Variants in NDFIP2 observed in about 807,000 individuals in gnomAD.
NDFIP2 encodes the protein Nedd4 family interacting protein 2.
In NDFIP2, 19 loss-of-function variants were observed where a neutral mutation model predicts 36.0. The observed-to-expected ratio is 0.53, with a 90% CI of 0.37 to 0.77. NDFIP2 has a LOEUF of 0.77. Ranked by LOEUF, NDFIP2 falls within the 30% of genes least tolerant of loss-of-function variation. NDFIP2 has a pLI of 0.00. For missense variants in NDFIP2, 446 were observed against 435.8 expected (o/e 1.02, Z -0.21); for synonymous variants, 181 against 167.7 (o/e 1.08, Z -0.61).
chr13:79,533,903 G>A (rs1056445534), intron 3 of NDFIP2, among the ~76,000 whole-genome samples: 1 of 152,126 alleles, frequency 6.6e-6, no homozygotes, highest in Non-Finnish European at 1.5e-5. Context: ...TATTGTTGAA[G>A]GGTTACTGTA....
chr13:79,501,620 T>C (rs1026698619), intron 1 of NDFIP2, among the ~76,000 whole-genome samples: 1 of 152,134 alleles, frequency 6.6e-6, no homozygotes, highest in Non-Finnish European at 1.5e-5. Context: ...ATTATGTGTT[T>C]AGATTTAGCG....
At chr13:79,512,731 T>G (rs1367037576) in intron 1 of NDFIP2, among the ~76,000 whole-genome samples, 3 of 152,172 alleles carry the variant, frequency 2.0e-5, no homozygotes, top group Non-Finnish European at 2.9e-5. Flanking sequence ...GAGGATTCTT[T>G]GGTTGTGGGG....
intron 3 of NDFIP2, among the ~76,000 whole-genome samples, chr13:79,535,810 A>G (rs1261544806): frequency 2.0e-5 from 3 of 152,220 alleles, no homozygotes; most frequent in Non-Finnish European, 4.4e-5. Context: ...GAGGTACTGT[A>G]CATGGTAATT....
At chr13:79,538,485 G>A (rs578151955) in intron 3 of NDFIP2, among the ~76,000 whole-genome samples, 75 of 152,280 alleles carry the variant, frequency 4.9e-4, no homozygotes, top group Non-Finnish European at 8.2e-4. Flanking sequence ...TAGGCATTGG[G>A]TAAATATGCT....
intron 1 of NDFIP2, among the ~76,000 whole-genome samples, chr13:79,516,331 G>C (rs926854260): frequency 2.0e-5 from 3 of 152,130 alleles, no homozygotes; most frequent in Admixed American, 1.3e-4. Context: ...ACTGCTCACT[G>C]CAGCCTCCAC....
chr13:79,532,064 C>A (rs1875038583), intron 2 of NDFIP2, among the ~76,000 whole-genome samples: 1 of 152,202 alleles, frequency 6.6e-6, no homozygotes, highest in Non-Finnish European at 1.5e-5. Context: ...TCTATGGGCA[C>A]AGTTTGTGGT....
At chr13:79,510,446 A>G (rs1033294918) in intron 1 of NDFIP2, among the ~76,000 whole-genome samples, 1 of 149,770 alleles carries the variant, frequency 6.7e-6, no homozygotes, top group Non-Finnish European at 1.5e-5. Flanking sequence ...CTACTTCCCC[A>G]TTGCCTTCCG....
chr13:79,481,452 CCT>C lies in NDFIP2; in HGVS notation c.255_256del (p.Arg86GlufsTer24). On this transcript the variant is annotated frameshift_variant, in exon 1 of 8. Transcript: ENST00000218652. LOFTEE classifies it high-confidence loss of function. ...TGGGAGCTGAGCACGGAGAAGACTC[CCT>C]CTCTCGGAAGCCGGATCCCGAGCCG... is the stretch of plus-strand genomic sequence containing the variant. ...AVGAEHGEDS[L>X]SRKPDPEPGR... is the part of the protein sequence containing the mutation. 6.4e-7 allele frequency: 1 copy of C among 1,562,720 alleles called. No homozygotes were observed. The highest frequency in any genetic ancestry group is 8.7e-7 in the Non-Finnish European group (1 of 1,153,166).
At chr13:79,536,521 T>G (rs577642628) in intron 3 of NDFIP2, among the ~76,000 whole-genome samples, 1 of 152,300 alleles carries the variant, frequency 6.6e-6, no homozygotes, top group Admixed American at 6.5e-5. Context: ...CTTTACCAAT[T>G]TCAGGATTCA....
At chr13:79,523,839 A>G (rs1594852506) in intron 2 of NDFIP2, among the ~76,000 whole-genome samples, 1 of 152,226 alleles carries the variant, frequency 6.6e-6, no homozygotes, top group Non-Finnish European at 1.5e-5. Context: ...CCTGGACTGC[A>G]AAACCATCAC....
At chr13:79,490,641 G>A (rs1350547659) in intron 1 of NDFIP2, among the ~76,000 whole-genome samples, 1 of 152,076 alleles carries the variant, frequency 6.6e-6, no homozygotes, top group Non-Finnish European at 1.5e-5. Context: ...CAAAAACAGT[G>A]TGCTGGATTT....
intron 1 of NDFIP2, among the ~76,000 whole-genome samples, chr13:79,520,386 T>A (rs757368816): frequency 2.0e-5 from 3 of 152,218 alleles, no homozygotes; most frequent in Non-Finnish European, 4.4e-5. Context: ...CCTTCTACAG[T>A]CTCTCCGATT....
intron 2 of NDFIP2, among the ~76,000 whole-genome samples, chr13:79,526,968 G>A (rs541125754): frequency 9.9e-5 from 15 of 152,210 alleles, no homozygotes; most frequent in African/African-American, 3.1e-4. Context: ...GACAGAATTC[G>A]AACTCAGATG....
chr13:79,481,492 C>A lies in NDFIP2; in HGVS notation c.289C>A (p.His97Asn), dbSNP rs2079812762. ...KPDPEPGRMD[H>N]HQPGTGRYQV... The stretch of plus-strand genomic sequence containing the variant: ...GGATCCCGAGCCGGGCAGGATGGAT[C>A]ACCACCAGCCGGGGACTGGGCGCTA... Residue 97 changes from histidine (H) to asparagine (N), a missense_variant, in exon 1 of 8, where the codon CAC becomes AAC. Transcript: ENST00000218652. 2 of 1,558,210 alleles carry A rather than the reference C, an allele frequency of 1.3e-6. No homozygotes were observed. The highest frequency in any genetic ancestry group is 4.8e-5 in the East Asian group (2 of 41,572).
chr13:79,515,713 G>A (rs1460570137), intron 1 of NDFIP2, among the ~76,000 whole-genome samples: 1 of 152,182 alleles, frequency 6.6e-6, no homozygotes, highest in Non-Finnish European at 1.5e-5. Context: ...TGAGCTGTAG[G>A]TTTAGAACAC....
intron 1 of NDFIP2, among the ~76,000 whole-genome samples, chr13:79,502,195 A>G (rs535345609): frequency 1.6e-4 from 25 of 152,296 alleles, no homozygotes; most frequent in African/African-American, 2.6e-4. Context: ...TGGTGGATCT[A>G]TATCTTAAAT....
intron 2 of NDFIP2, among the ~76,000 whole-genome samples, chr13:79,529,062 A>G (rs1272740852): frequency 4.6e-5 from 7 of 152,046 alleles, no homozygotes; most frequent in Non-Finnish European, 1.0e-4. Flanking sequence ...CCTCTTGAAT[A>G]CTCTTCTATT....
intron 1 of NDFIP2, among the ~76,000 whole-genome samples, chr13:79,509,258 G>T (rs1347174399): frequency 6.6e-6 from 1 of 152,072 alleles, no homozygotes; most frequent in Non-Finnish European, 1.5e-5. Flanking sequence ...ACATTTATTT[G>T]GTTTGGAAAG....
At chr13:79,506,876 G>A (rs1262135917) in intron 1 of NDFIP2, among the ~76,000 whole-genome samples, 2 of 152,028 alleles carry the variant, frequency 1.3e-5, no homozygotes, top group Admixed American at 6.6e-5. Context: ...TTAAGATCTA[G>A]GTAAATGTTG....
Sources: gnomAD v4.1 joint callset for allele counts (sites outside exome capture counted in the v4.1 genomes callset) on GRCh38, gnomAD v4.1.1 for gene constraint, MANE v1.5 for transcripts, NCBI Gene and HGNC (gene_info 2026-07-23, HGNC 2026-07-21) for gene names.